The following MTUS2 variants were observed in gnomAD, a reference collection of about 807,000 sequenced individuals.
MTUS2 encodes microtubule associated scaffold protein 2.
A neutral mutation model predicts 114.1 loss-of-function variants in MTUS2; 40 were observed. The observed-to-expected ratio is 0.35, with a 90% CI of 0.27 to 0.46. The LOEUF (loss-of-function observed/expected upper bound fraction) is 0.46. Ranked by LOEUF, MTUS2 falls within the 20% of genes least tolerant of loss-of-function variation. The pLI is 1.00. For synonymous variants in MTUS2, 688 were observed against 672.0 expected (o/e 1.02, Z -0.37); for missense variants, 1,679 against 1,705.4 (o/e 0.98, Z 0.27).
At position 29,498,401 on chromosome 13, in the gene MTUS2, G is replaced by A. The variant is rs1882687353; in HGVS notation, c.3679-17G>A. 2 of 1,613,614 alleles carry A rather than the reference G, an allele frequency of 1.2e-6. No homozygotes were observed. The highest frequency in any genetic ancestry group is 2.2e-5 in the South Asian group (2 of 91,028). On this transcript the variant is annotated splice_polypyrimidine_tract_variant and intron_variant, in intron 13 of 15. Coordinates refer to ENST00000612955, the MANE Select transcript of MTUS2 (RefSeq NM_001033602.4). ...CGGGAATCCTGGTCAACAGCTCATG[G>A]CTCTCTGCCTCTGTAGATTGCATTG...
At chr13:29,100,535 G>A (rs752222944) in intron 4 of MTUS2, among the ~76,000 whole-genome samples, 3 of 152,050 alleles carry the variant, frequency 2.0e-5, no homozygotes, top group East Asian at 3.9e-4. Context: ...CTAAGTAGAC[G>A]GTAAATTTGT....
intron 11 of MTUS2, among the ~76,000 whole-genome samples, chr13:29,488,762 C>T (rs1305107690): frequency 1.3e-5 from 2 of 152,182 alleles, no homozygotes; most frequent in African/African-American, 2.4e-5. Context: ...CCACATTCAC[C>T]GTGGGTGTGC....
At chr13:29,335,665 C>T (rs112083700) in intron 7 of MTUS2, among the ~76,000 whole-genome samples, 11,572 of 152,092 alleles carry the variant, frequency 0.076, 1,400 homozygotes, top group African/African-American at 0.26. Flanking sequence ...TTTCTCAGAC[C>T]GGCCAACACT....
intron 6 of MTUS2, chr13:29,307,848 G>T: frequency 1.5e-6 from 1 of 672,128 alleles, no homozygotes. Context: ...CACTGCTGGG[G>T]GACACTTAGT....
chr13:29,192,020 C>T (rs186438429), intron 5 of MTUS2, among the ~76,000 whole-genome samples: 11 of 152,074 alleles, frequency 7.2e-5, no homozygotes, highest in Admixed American at 1.3e-4. Context: ...TATAGAAGTC[C>T]GTAAGGAGGA....
At chr13:28,934,831 T>C (rs552083583) in intron 2 of MTUS2, among the ~76,000 whole-genome samples, 1 of 152,326 alleles carries the variant, frequency 6.6e-6, no homozygotes, top group African/African-American at 2.4e-5. Flanking sequence ...TTATAACTTA[T>C]ATACACTAAG....
intron 2 of MTUS2, among the ~76,000 whole-genome samples, chr13:28,965,720 C>T (rs191246219): frequency 4.0e-4 from 61 of 152,230 alleles, no homozygotes; most frequent in Non-Finnish European, 7.2e-4. Flanking sequence ...AGCAGGTCAG[C>T]GACCCAGGAA....
rs1889843207 is a variant in MTUS2, at chr13:29,089,472, T to C, written c.2447-11301T>C. On this transcript the variant is annotated intron_variant, in intron 4 of 15. Transcript: ENST00000612955. ...TGTCTAGTATTTCACAGGGGTCCTC[T>C]GAAGTTTTGGATTTATATGTCAACC... is the stretch of plus-strand genomic sequence containing the variant. Among the ~76,000 whole-genome samples, 3 of 152,228 alleles carry C rather than the reference T, an allele frequency of 2.0e-5. No individual in the cohort carries two copies. The South Asian group carries it at 6.2e-4, about 32-fold the overall frequency.
At chr13:29,163,872 G>A (rs1284581135) in intron 5 of MTUS2, among the ~76,000 whole-genome samples, 1 of 152,116 alleles carries the variant, frequency 6.6e-6, no homozygotes, top group Admixed American at 6.5e-5. Flanking sequence ...CCTCCATGAT[G>A]TCTTCCTACA....
chr13:29,130,356 C>T (rs1019072326), intron 5 of MTUS2, among the ~76,000 whole-genome samples: 2 of 152,114 alleles, frequency 1.3e-5, no homozygotes, highest in Non-Finnish European at 2.9e-5. Flanking sequence ...TCTGCTCAAG[C>T]CACTCCAGCC....
At chr13:28,971,562 A>G (rs1228481601) in intron 2 of MTUS2, among the ~76,000 whole-genome samples, 1 of 152,236 alleles carries the variant, frequency 6.6e-6, no homozygotes, top group Non-Finnish European at 1.5e-5. Flanking sequence ...GGAATGGGCC[A>G]CAGTGAACAA....
chr13:28,928,994 C>T (rs1881473908), intron 2 of MTUS2, among the ~76,000 whole-genome samples: 1 of 152,140 alleles, frequency 6.6e-6, no homozygotes, highest in Non-Finnish European at 1.5e-5. Flanking sequence ...GTTACAGAAA[C>T]AAATCCTGTT....
At chr13:29,303,020 T>G (rs1212285432) in intron 6 of MTUS2, among the ~76,000 whole-genome samples, 2 of 152,158 alleles carry the variant, frequency 1.3e-5, no homozygotes, top group Non-Finnish European at 2.9e-5. Context: ...CTGAGGCAAC[T>G]AAGGTCTGGA....
intron 2 of MTUS2, among the ~76,000 whole-genome samples, chr13:29,020,732 G>A (rs1886257770): frequency 6.6e-6 from 1 of 151,886 alleles, no homozygotes. Flanking sequence ...TTCATGGGCA[G>A]CTTTTCTTCT....
At chr13:29,491,883 G>T (rs1168132653) in intron 11 of MTUS2, among the ~76,000 whole-genome samples, 1 of 145,912 alleles carries the variant, frequency 6.9e-6, no homozygotes, top group Admixed American at 6.8e-5. Flanking sequence ...TGTGTGGTGG[G>T]TGTGTATGTG....
At chr13:28,934,177 T>C (rs1032308730) in intron 2 of MTUS2, among the ~76,000 whole-genome samples, 1 of 152,158 alleles carries the variant, frequency 6.6e-6, no homozygotes, top group African/African-American at 2.4e-5. Context: ...AATAGACAAA[T>C]TGCGTAGTGT....
At chr13:28,912,497 CTTT>C in intron 2 of MTUS2, among the ~76,000 whole-genome samples, 1 of 152,104 alleles carries the variant, frequency 6.6e-6, no homozygotes. Flanking sequence ...TATATGGGCT[CTTT>C]TTTGGTTCCA....
chr13:29,307,448 T>C, intron 6 of MTUS2: 1 of 1,321,494 alleles, frequency 7.6e-7, no homozygotes, highest in Non-Finnish European at 1.1e-6. Flanking sequence ...ATCCCTGAGC[T>C]GAATGGGAAG....
At chr13:29,145,328 T>C (rs548167259) in intron 5 of MTUS2, among the ~76,000 whole-genome samples, 261 of 152,214 alleles carry the variant, frequency 1.7e-3, no homozygotes, top group African/African-American at 6.0e-3. Context: ...AAGACCAGCC[T>C]GGCCGGGATG....
Sources: gnomAD v4.1 joint callset for allele counts (sites outside exome capture counted in the v4.1 genomes callset) on GRCh38, gnomAD v4.1.1 for gene constraint, MANE v1.5 for transcripts, NCBI Gene and HGNC (gene_info 2026-07-23, HGNC 2026-07-21) for gene names.